CBFA2T3: variants seen among roughly 807,000 people sequenced by gnomAD.
CBFA2T3 encodes the protein CBFA2/RUNX1 partner transcriptional co-repressor 3.
CBFA2T3 carries 31 observed loss-of-function variants against 58.6 expected under a neutral mutation model. That is an observed-to-expected ratio of 0.53 (90% CI 0.40 to 0.71). CBFA2T3 has a LOEUF of 0.71. Ranked by LOEUF, CBFA2T3 falls within the 30% of genes least tolerant of loss-of-function variation. CBFA2T3 has a pLI of 0.00. For synonymous variants in CBFA2T3, 531 were observed against 421.9 expected, an observed-to-expected ratio of 1.26 and a Z score of -3.17; for missense variants, 1,076 against 963.1, an observed-to-expected ratio of 1.12 and a Z score of -1.55.
intron 2 of CBFA2T3, among the ~76,000 whole-genome samples, chr16:88,900,986 G>A (rs543364562): frequency 6.6e-6 from 1 of 152,272 alleles, no homozygotes; most frequent in Non-Finnish European, 1.5e-5. Flanking sequence ...TGCTCAGCCG[G>A]GCTGTGGAGC....
At chr16:88,900,285 C>T (rs1224723499) in intron 2 of CBFA2T3, among the ~76,000 whole-genome samples, 1 of 152,272 alleles carries the variant, frequency 6.6e-6, no homozygotes, top group African/African-American at 2.4e-5. Context: ...CACCCCATTC[C>T]CCAACCAAGT....
At chr16:88,892,206 G>A (rs747052158) in intron 4 of CBFA2T3, 38 bp downstream of exon 4, 1 of 1,588,364 alleles carries the variant, frequency 6.3e-7, no homozygotes, top group Non-Finnish European at 8.6e-7. Context: ...GAGGGAATAT[G>A]CATGTCCCAA....
intron 1 of CBFA2T3, among the ~76,000 whole-genome samples, chr16:88,906,867 C>G (rs1432020476): frequency 6.6e-6 from 1 of 152,212 alleles, no homozygotes; most frequent in Non-Finnish European, 1.5e-5. Flanking sequence ...CCTGACTCAG[C>G]CTTGCTGGGA....
intron 1 of CBFA2T3, among the ~76,000 whole-genome samples, chr16:88,906,802 C>T (rs1970354138): frequency 6.6e-6 from 1 of 152,158 alleles, no homozygotes; most frequent in Non-Finnish European, 1.5e-5. Context: ...AGCACCAGGG[C>T]ATGTGCCTGC....
intron 1 of CBFA2T3, among the ~76,000 whole-genome samples, chr16:88,967,186 T>C (rs1343413507): frequency 3.6e-5 from 2 of 55,630 alleles, no homozygotes; most frequent in East Asian, 4.6e-4. Flanking sequence ...GAGGTGCCAC[T>C]CGGCCCCGAC....
intron 3 of CBFA2T3, 38 bp downstream of exon 3, chr16:88,898,040 C>A (rs1231314825): frequency 6.7e-7 from 1 of 1,487,516 alleles, no homozygotes; most frequent in Non-Finnish European, 9.4e-7. Flanking sequence ...GCGGTGAAGA[C>A]CTCTGGGGAG....
At chr16:88,902,193 G>A (rs1970125202) in intron 1 of CBFA2T3, among the ~76,000 whole-genome samples, 1 of 152,226 alleles carries the variant, frequency 6.6e-6, no homozygotes, top group Non-Finnish European at 1.5e-5. Context: ...AGGCTCCCCT[G>A]GGCTGGGGGG....
chr16:88,881,937 C>T (rs1050076275), intron 8 of CBFA2T3, among the ~76,000 whole-genome samples: 18 of 152,336 alleles, frequency 1.2e-4, no homozygotes, highest in Non-Finnish European at 1.9e-4. Context: ...AGTTCCGGGC[C>T]GTCCCCGAAC....
intron 1 of CBFA2T3, among the ~76,000 whole-genome samples, chr16:88,927,363 T>C (rs1971116375): frequency 6.6e-6 from 1 of 152,134 alleles, no homozygotes; most frequent in Admixed American, 6.5e-5. Context: ...GAGAGGCAGC[T>C]GGAAACTGGG....
intron 5 of CBFA2T3, among the ~76,000 whole-genome samples, chr16:88,887,802 G>A (rs1446863294): frequency 6.6e-6 from 1 of 151,988 alleles, no homozygotes; most frequent in Admixed American, 6.6e-5. Context: ...CCACTGAACG[G>A]AAGTTCTGCC....
chr16:88,943,248 A>G (rs1971804305), intron 1 of CBFA2T3, among the ~76,000 whole-genome samples: 2 of 152,360 alleles, frequency 1.3e-5, no homozygotes, highest in Non-Finnish European at 2.9e-5. Context: ...GGCTGCCCAC[A>G]GGGCCTGGGA....
chr16:88,946,444 G>A (rs1406127421), intron 1 of CBFA2T3, among the ~76,000 whole-genome samples: 3 of 152,162 alleles, frequency 2.0e-5, no homozygotes, highest in Admixed American at 1.3e-4. Flanking sequence ...GGTTTTCAGG[G>A]GGTTATAGAA....
chr16:88,933,155 C>T (rs924386704), intron 1 of CBFA2T3, among the ~76,000 whole-genome samples: 2 of 152,226 alleles, frequency 1.3e-5, no homozygotes, highest in African/African-American at 4.8e-5. Flanking sequence ...ACAGGCTTTG[C>T]CCTGTGGCCC....
intron 1 of CBFA2T3, among the ~76,000 whole-genome samples, chr16:88,930,628 C>T (rs1398069657): frequency 6.7e-6 from 1 of 149,004 alleles, no homozygotes; most frequent in Non-Finnish European, 1.5e-5. Context: ...GTGTCCAGAA[C>T]AGGCAAGTTC....
intron 5 of CBFA2T3, among the ~76,000 whole-genome samples, chr16:88,887,696 G>C (rs942191152): frequency 6.6e-6 from 1 of 152,176 alleles, no homozygotes; most frequent in African/African-American, 2.4e-5. Flanking sequence ...CTTCAAGGCA[G>C]TGTCCCCACT....
intron 1 of CBFA2T3, among the ~76,000 whole-genome samples, chr16:88,913,229 C>G (rs528202957): frequency 6.6e-6 from 1 of 152,250 alleles, no homozygotes; most frequent in Non-Finnish European, 1.5e-5. Context: ...CACGTGAACA[C>G]GCCCAAGATG....
At chr16:88,970,204 A>G (rs1485887482) in intron 1 of CBFA2T3, among the ~76,000 whole-genome samples, 1 of 151,950 alleles carries the variant, frequency 6.6e-6, no homozygotes, top group Non-Finnish European at 1.5e-5. Context: ...CGGCGGCCCC[A>G]AGCCGGCAGC....
At chr16:88,882,188 G>A (rs1969113075) in intron 8 of CBFA2T3, among the ~76,000 whole-genome samples, 1 of 152,238 alleles carries the variant, frequency 6.6e-6, no homozygotes, top group South Asian at 2.1e-4. Context: ...AGGCCACACA[G>A]GAGGGCACTG....
Position 88,897,260 on chromosome 16 carries a change from G to A in CBFA2T3, c.379+818C>T, listed in dbSNP as rs538923949. 3.3e-5 allele frequency among the ~76,000 whole-genome samples: 5 copies of A among 152,360 alleles called. No individual in the cohort carries two copies. In the East Asian group the frequency reaches 7.7e-4, roughly 23 times the overall value. On this transcript the variant is annotated intron_variant, in intron 3 of 11. Coordinates refer to ENST00000268679, the MANE Select transcript of CBFA2T3 (RefSeq NM_005187.6). ...GTGGCCAGGCCCATCACAGAATAAT[G>A]GCTGTGAAAAGGACAGCCCTGTGCA...
Sources: gnomAD v4.1 joint callset for allele counts (sites outside exome capture counted in the v4.1 genomes callset) on GRCh38, gnomAD v4.1.1 for gene constraint, MANE v1.5 for transcripts, NCBI Gene and HGNC (gene_info 2026-07-23, HGNC 2026-07-21) for gene names.